Variants in OTUD7B observed in about 807,000 individuals in gnomAD.
OTUD7B encodes the protein OTU deubiquitinase 7B.
In OTUD7B, 34 loss-of-function variants were observed where a neutral mutation model predicts 82.2. The ratio of observed to expected loss-of-function variants is 0.41; its 90% confidence interval spans 0.31 to 0.55. The LOEUF (loss-of-function observed/expected upper bound fraction) is 0.55, where lower values mean the gene tolerates loss of function less well. Ranked by LOEUF, OTUD7B falls within the 20% of genes least tolerant of loss-of-function variation. The pLI is 0.20. For missense variants in OTUD7B, 944 were observed against 1,062.1 expected (o/e 0.89, Z 1.55); for synonymous variants, 398 against 402.7 (o/e 0.99, Z 0.14).
chr1:150,013,002 T>C (rs2101963169), upstream of OTUD7B, among the ~76,000 whole-genome samples: 1 of 152,336 alleles, frequency 6.6e-6, no homozygotes, highest in South Asian at 2.1e-4. Context: ...GCTTCTTCTC[T>C]AGTGATATGC....
intron 1 of OTUD7B, among the ~76,000 whole-genome samples, chr1:149,983,896 G>A (rs587670457): frequency 2.6e-5 from 4 of 152,144 alleles, no homozygotes; most frequent in African/African-American, 4.8e-5. Flanking sequence ...GAAGGTTGAG[G>A]GAAATGGATA....
the OTUD7B span, among the ~76,000 whole-genome samples, chr1:150,018,663 A>C: frequency 6.6e-6 from 1 of 152,218 alleles, no homozygotes; most frequent in Non-Finnish European, 1.5e-5. Context: ...TTCATGAAGA[A>C]GACTAGCAGT....
the OTUD7B span, among the ~76,000 whole-genome samples, chr1:150,025,099 G>T: frequency 5.6e-4 from 85 of 151,352 alleles, no homozygotes; most frequent in African/African-American, 1.9e-3. Context: ...AACCTTATCT[G>T]AACTGAGTTA....
chr1:149,985,516 T>G (rs1206725567), intron 1 of OTUD7B, among the ~76,000 whole-genome samples: 1 of 152,112 alleles, frequency 6.6e-6, no homozygotes, highest in East Asian at 1.9e-4. Context: ...GGAGGAAGGA[T>G]CACTTGAGTC....
chr1:150,015,907 G>A, the OTUD7B span, among the ~76,000 whole-genome samples: 1 of 152,194 alleles, frequency 6.6e-6, no homozygotes, highest in East Asian at 1.9e-4. Context: ...GAGAAAATCC[G>A]CTGGAGGCTT....
chr1:149,966,644 G>A (rs994834756), intron 4 of OTUD7B, among the ~76,000 whole-genome samples: 1 of 151,974 alleles, frequency 6.6e-6, no homozygotes, highest in South Asian at 2.1e-4. Flanking sequence ...AACTACTGTG[G>A]AGCATAGTTT....
At chr1:150,041,586 G>A in the OTUD7B span, among the ~76,000 whole-genome samples, 6 of 152,102 alleles carry the variant, frequency 3.9e-5, no homozygotes, top group Admixed American at 6.5e-5. Flanking sequence ...CACCCACCTC[G>A]GCCTCCCAAA....
intron 2 of OTUD7B, among the ~76,000 whole-genome samples, chr1:149,972,475 C>T (rs1650006474): frequency 1.3e-5 from 2 of 152,170 alleles, no homozygotes; most frequent in South Asian, 2.1e-4. Flanking sequence ...GACAACTCCT[C>T]ATTAGCTTTA....
At chr1:149,985,907 C>T (rs587674867) in intron 1 of OTUD7B, among the ~76,000 whole-genome samples, 2 of 152,222 alleles carry the variant, frequency 1.3e-5, no homozygotes, top group African/African-American at 4.8e-5. Context: ...ATATTGTTCC[C>T]TCTAACTGGA....
the OTUD7B span, chr1:150,054,562 C>T: frequency 0.12 from 52,439 of 427,932 alleles, 3,854 homozygotes; most frequent in Non-Finnish European, 0.16. Flanking sequence ...AATCCCAGCA[C>T]TTTGGGAGGC....
the OTUD7B span, chr1:150,054,790 A>C: frequency 9.7e-6 from 1 of 102,922 alleles, no homozygotes; most frequent in Non-Finnish European, 1.8e-5. Context: ...CCTGGGTGAC[A>C]AGAGGGAAAC....
Position 149,944,505 on chromosome 1 carries a change from G to C in OTUD7B, c.1884C>G (p.Ile628Met). 6.2e-7 allele frequency: 1 copy of C among 1,614,070 alleles called. No homozygotes were observed. The highest frequency in any genetic ancestry group is 8.5e-7 in the Non-Finnish European group (1 of 1,180,012). Residue 628 changes from isoleucine to methionine, a missense_variant, in exon 12 of 12, where the codon ATC (isoleucine) becomes ATG (methionine). Physicochemically the swap from Ile to Met is conservative, Grantham distance 10 (BLOSUM62 1). Transcript: ENST00000581312. ...CCTCAGCATCAGAAAGGTAGCGCTG[G>C]ATCATTTCCTCCTGATACTGGTGAC... ...GHRHQYQEEM[I>M]QRYLSDAEER...
At chr1:149,950,791 TTTTTTTTC>T (rs1161641156) in intron 7 of OTUD7B, among the ~76,000 whole-genome samples, 1 of 8,168 alleles carries the variant, frequency 1.2e-4, no homozygotes, top group African/African-American at 2.1e-4. Flanking sequence ...TGTTTTTTGT[TTTTTTTTC>T]TTTTTTTTTT....
chr1:150,046,754 T>A, the OTUD7B span, among the ~76,000 whole-genome samples: 1 of 151,000 alleles, frequency 6.6e-6, no homozygotes, highest in Non-Finnish European at 1.5e-5. Flanking sequence ...TGGCCTCCAG[T>A]GGCATCCTTA....
At position 149,943,800 on chromosome 1, in the gene OTUD7B, G is replaced by A; in HGVS notation, c.*57C>T. On this transcript the variant is annotated 3_prime_UTR_variant, in exon 12 of 12. Transcript: ENST00000581312. ...AACATGGGGACTGTGTTCTTGATGA[G>A]CCAATTAGTTGAGCTTAACTTTGTT... is the stretch of plus-strand genomic sequence containing the variant. The A allele has an allele frequency of 6.6e-7, 1 of 1,523,654 alleles. No homozygotes were observed. The allele number at this position is 1,523,654 out of a possible 1,614,324, so 94.4% of individuals were successfully genotyped here. A position where few individuals can be genotyped will look rare whatever the true frequency, so the allele number is the denominator to read the frequency against.
intron 3 of OTUD7B, 70 bp from the exon 4 acceptor site, chr1:149,967,591 A>G: frequency 8.6e-7 from 1 of 1,163,416 alleles, no homozygotes; most frequent in South Asian, 1.6e-5. Context: ...TGATGTGGTG[A>G]TAGTTACCTC....
intron 1 of OTUD7B, among the ~76,000 whole-genome samples, chr1:149,981,083 G>A (rs868939871): frequency 2.0e-5 from 3 of 150,000 alleles, no homozygotes; most frequent in Non-Finnish European, 3.0e-5. Context: ...CAGGGAGGAG[G>A]AGGAGGAGGA....
intron 1 of OTUD7B, among the ~76,000 whole-genome samples, chr1:150,007,201 C>T (rs781802010): frequency 2.6e-4 from 39 of 152,222 alleles, no homozygotes; most frequent in Non-Finnish European, 4.4e-4. Context: ...TTATTCCCAA[C>T]ACAGTAACTA....
chr1:149,998,119 C>A (rs919027161), intron 1 of OTUD7B, among the ~76,000 whole-genome samples: 8 of 152,272 alleles, frequency 5.3e-5, no homozygotes, highest in African/African-American at 1.9e-4. Context: ...TCTTACCTAA[C>A]CTTTTTCACG....
Sources: allele counts gnomAD v4.1 joint callset (sites outside exome capture counted in the v4.1 genomes callset), GRCh38; gene constraint gnomAD v4.1.1; transcripts MANE v1.5; gene names NCBI Gene and HGNC (gene_info 2026-07-23, HGNC 2026-07-21).